Variants in PPFIBP2 observed in about 807,000 individuals in gnomAD.
PPFIBP2 encodes liprin-beta-2.
In PPFIBP2, 118 loss-of-function variants were observed where a neutral mutation model predicts 118.3. That is an observed-to-expected ratio of 1.00 (90% CI 0.86 to 1.16). PPFIBP2 has a LOEUF of 1.16. PPFIBP2 is among the 50% of genes most tolerant of loss of function. The pLI is 0.00. For missense variants in PPFIBP2, 1,195 were observed against 1,073.1 expected (o/e 1.11, Z -1.59); for synonymous variants, 414 against 397.4 (o/e 1.04, Z -0.50).
chr11:7,612,110 G>T (rs1848138892), intron 6 of PPFIBP2, among the ~76,000 whole-genome samples: 1 of 152,188 alleles, frequency 6.6e-6, no homozygotes. Context: ...GAAAAGTCTA[G>T]TGTTTGAAAG....
At chr11:7,548,096 C>A (rs1418966163) in intron 1 of PPFIBP2, among the ~76,000 whole-genome samples, 1 of 152,328 alleles carries the variant, frequency 6.6e-6, no homozygotes. Flanking sequence ...ATCATGACAT[C>A]TATGAGTTAG....
chr11:7,606,138 G>C, intron 5 of PPFIBP2: 4 of 1,157,220 alleles, frequency 3.5e-6, no homozygotes, highest in Non-Finnish European at 4.6e-6. Context: ...GATGCAGATG[G>C]TCGGGGGGCA....
intron 2 of PPFIBP2, among the ~76,000 whole-genome samples, chr11:7,562,966 T>TACACAC (rs1401185159): frequency 5.4e-5 from 4 of 74,138 alleles, no homozygotes; most frequent in African/African-American, 2.6e-4. Flanking sequence ...TATATATATA[T>TACACAC]ATATATATAT....
intron 2 of PPFIBP2, among the ~76,000 whole-genome samples, chr11:7,551,852 G>C (rs1853035032): frequency 6.6e-6 from 1 of 152,238 alleles, no homozygotes; most frequent in South Asian, 2.1e-4. Flanking sequence ...GAGACATTAT[G>C]TGGCTGGATC....
rs374990525 is a variant in PPFIBP2 at position 7,607,391 on chromosome 11, A to G, written c.487-2900A>G. Among the ~76,000 whole-genome samples the G allele has an allele frequency of 6.7e-5, 10 of 149,374 alleles. No individual in the cohort carries two copies. In the East Asian group the frequency reaches 1.8e-3, roughly 27 times the overall value. On this transcript the variant is annotated intron_variant, in intron 5 of 23. Transcript: ENST00000299492. Reference sequence around the variant, plus strand: ...ACGGGTGCTAATTTTTTTTTTGCGTATGTATTTTTTGTAGAGGCAGGGTTC... The same window carrying G: ...ACGGGTGCTAATTTTTTTTTTGCGTGTGTATTTTTTGTAGAGGCAGGGTTC...
chr11:7,573,099 G>C (rs545548486), intron 3 of PPFIBP2, among the ~76,000 whole-genome samples: 3 of 152,258 alleles, frequency 2.0e-5, no homozygotes, highest in African/African-American at 7.2e-5. Flanking sequence ...TTTTGAAAGC[G>C]GTTTCCTAAC....
At chr11:7,542,298 T>G (rs557465764) in intron 1 of PPFIBP2, among the ~76,000 whole-genome samples, 11 of 152,264 alleles carry the variant, frequency 7.2e-5, no homozygotes, top group Non-Finnish European at 1.6e-4. Flanking sequence ...AACAGTTATC[T>G]GCCCAATATA....
chr11:7,543,925 T>C (rs1326529289), intron 1 of PPFIBP2, among the ~76,000 whole-genome samples: 1 of 152,236 alleles, frequency 6.6e-6, no homozygotes, highest in East Asian at 1.9e-4. Flanking sequence ...GTGCAGTTCA[T>C]GTGGCTGTGG....
intron 3 of PPFIBP2, 96 bp downstream of exon 3, chr11:7,565,863 A>G: frequency 7.5e-7 from 1 of 1,337,270 alleles, no homozygotes; most frequent in Admixed American, 2.1e-5. Flanking sequence ...AGTCATCTGT[A>G]TACCTTCCAG....
At chr11:7,606,743 AC>A (rs1847388014) in intron 5 of PPFIBP2, among the ~76,000 whole-genome samples, 1 of 152,194 alleles carries the variant, frequency 6.6e-6, no homozygotes, top group Admixed American at 6.5e-5. Flanking sequence ...ATGACTAATC[AC>A]AACCTGGTAG....
rs1189707435 is a variant in PPFIBP2, at chr11:7,610,333, C to T, written c.529C>T (p.Leu177=). 1.9e-6 allele frequency: 3 copies of T among 1,614,186 alleles called. No individual in the cohort carries two copies. The highest frequency in any genetic ancestry group is 2.5e-6 in the Non-Finnish European group (3 of 1,180,010). The part of the protein sequence containing the change: ...RTSLETQKLD[L]MTEVSELKLK... ...ATCTCTTGAGACCCAGAAGCTCGATCTGATGACTGAAGTGTCTGAGCTGAA... is the reference window on the plus strand; with the variant it reads ...ATCTCTTGAGACCCAGAAGCTCGATTTGATGACTGAAGTGTCTGAGCTGAA... The change falls in exon 6 of 24, where the codon CTG becomes TTG. Residue 177 remains leucine, a synonymous_variant. Coordinates refer to ENST00000299492, the MANE Select transcript of PPFIBP2 (RefSeq NM_003621.5).
chr11:7,552,571 A>C (rs1853113752), intron 2 of PPFIBP2, among the ~76,000 whole-genome samples: 1 of 152,168 alleles, frequency 6.6e-6, no homozygotes, highest in South Asian at 2.1e-4. Flanking sequence ...TGTAGAGTAA[A>C]CCTGAAAATG....
intron 3 of PPFIBP2, chr11:7,576,289 C>A: frequency 6.6e-6 from 1 of 152,380 alleles, no homozygotes; most frequent in Non-Finnish European, 1.5e-5. Flanking sequence ...CACCGTGTAA[C>A]CACAGTTCCC....
chr11:7,657,575 C>T (rs183758814), downstream of PPFIBP2, among the ~76,000 whole-genome samples: 2 of 152,266 alleles, frequency 1.3e-5, no homozygotes, highest in Admixed American at 6.5e-5. Flanking sequence ...CCTCAAGCTC[C>T]GTGTTTCCAC....
At chr11:7,657,804 G>A (rs114395602), downstream of PPFIBP2, among the ~76,000 whole-genome samples, 1,413 of 152,268 alleles carry the variant, frequency 9.3e-3, 23 homozygotes, top group African/African-American at 0.031. Context: ...CCACAGTGCC[G>A]TGTCTGCCCT....
At position 7,620,928 on chromosome 11, in the gene PPFIBP2, C is replaced by T; in HGVS notation, c.619-7C>T. ...TCAGAACTTTGTCTTTCTCCCTCAT[C>T]CCCTAGGAGTTACTGCAAGAGCTCA... is the stretch of plus-strand genomic sequence containing the variant. On this transcript the variant is annotated splice_polypyrimidine_tract_variant and splice_region_variant and intron_variant, in intron 6 of 23. Transcript: ENST00000299492. 1 of 1,589,574 alleles carries T rather than the reference C, an allele frequency of 6.3e-7. No homozygotes were observed. The highest frequency in any genetic ancestry group is 1.1e-5 in the South Asian group (1 of 90,544).
intron 3 of PPFIBP2, among the ~76,000 whole-genome samples, chr11:7,567,374 C>T (rs1387403591): frequency 1.3e-5 from 2 of 152,140 alleles, no homozygotes; most frequent in East Asian, 3.8e-4. Context: ...TTTCAAGATG[C>T]ATTGGTAGAA....
intron 17 of PPFIBP2, among the ~76,000 whole-genome samples, chr11:7,647,282 G>A (rs1853237062): frequency 1.3e-5 from 2 of 152,014 alleles, no homozygotes; most frequent in South Asian, 2.1e-4. Context: ...TTGCTCTGTC[G>A]AATCCCCCCT....
Position 7,565,625 on chromosome 11 carries a change from AC to A in PPFIBP2, c.141del (p.Phe48SerfsTer10). On this transcript the variant is annotated frameshift_variant, in exon 3 of 24. Transcript: ENST00000299492. LOFTEE classifies it high-confidence loss of function. ...PGLASPASYM[N>X]PFPVLHLIED... Reference sequence around the variant, plus strand: ...CTGGCTTCCCCGGCCTCCTACATGAACCCCTTCCCGGTGCTCCATCTCATCG... The same window carrying A: ...CTGGCTTCCCCGGCCTCCTACATGAACCCTTCCCGGTGCTCCATCTCATCG... 1 of 1,613,892 alleles carries A rather than the reference AC, an allele frequency of 6.2e-7. No homozygotes were observed. The highest frequency in any genetic ancestry group is 8.5e-7 in the Non-Finnish European group (1 of 1,179,970).
Sources: allele counts gnomAD v4.1 joint callset (sites outside exome capture counted in the v4.1 genomes callset), GRCh38; gene constraint gnomAD v4.1.1; transcripts MANE v1.5; gene names NCBI Gene and HGNC (gene_info 2026-07-23, HGNC 2026-07-21).